Variants in CACNA2D2 observed in about 807,000 individuals in gnomAD.
CACNA2D2 encodes the protein calcium voltage-gated channel auxiliary subunit alpha2delta 2.
CACNA2D2 carries 48 observed loss-of-function variants against 166.4 expected under a neutral mutation model. The observed-to-expected ratio is 0.29, with a 90% confidence interval of 0.23 to 0.37. CACNA2D2 has a LOEUF of 0.37. Ranked by LOEUF, CACNA2D2 falls within the 10% of genes least tolerant of loss-of-function variation. The pLI, the probability that CACNA2D2 is intolerant of heterozygous loss-of-function variation, is 1.00. For missense variants in CACNA2D2, 1,122 were observed against 1,433.0 expected (o/e 0.78, Z 3.50); for synonymous variants, 561 against 573.7 (o/e 0.98, Z 0.32).
intron 1 of CACNA2D2, among the ~76,000 whole-genome samples, chr3:50,493,709 G>A (rs1168384839): frequency 6.6e-6 from 1 of 152,216 alleles, no homozygotes; most frequent in African/African-American, 2.4e-5. Context: ...ATCTTGAGGG[G>A]GTCGCAGTCA....
chr3:50,477,369 T>C (rs1252388438), intron 1 of CACNA2D2, among the ~76,000 whole-genome samples: 1 of 152,196 alleles, frequency 6.6e-6, no homozygotes, highest in African/African-American at 2.4e-5. Context: ...GGGATCTTTG[T>C]GAGTGGACAG....
At position 50,407,385 on chromosome 3, in the gene CACNA2D2, G is replaced by A. The variant is rs147507102; in HGVS notation, c.406-13217C>T. The stretch of plus-strand genomic sequence containing the variant: ...ATTAGACTTCCTAGGCCTGCCACTC[G>A]TGGGCTCTGACCCCTGCTCTGACCC... On this transcript the variant is annotated intron_variant, in intron 3 of 37. Transcript: ENST00000424201. Among the ~76,000 whole-genome samples, 918 of 151,802 alleles carry A rather than the reference G, an allele frequency of 6.0e-3. 101 individuals are homozygous for A. In the East Asian group the frequency reaches 0.17, roughly 28 times the overall value.
chr3:50,458,646 A>G (rs1373852633), intron 2 of CACNA2D2, among the ~76,000 whole-genome samples: 1 of 152,200 alleles, frequency 6.6e-6, no homozygotes, highest in African/African-American at 2.4e-5. Flanking sequence ...TCTTTCCCCA[A>G]ACTCCCTGGC....
chr3:50,479,615 A>G (rs1697956698), intron 1 of CACNA2D2, among the ~76,000 whole-genome samples: 1 of 152,206 alleles, frequency 6.6e-6, no homozygotes, highest in East Asian at 1.9e-4. Flanking sequence ...TGCCTTGTGG[A>G]CGAGAAGCCA....
chr3:50,376,850 G>A lies in CACNA2D2; in HGVS notation c.1626+617C>T, dbSNP rs778997661. Among the ~76,000 whole-genome samples, 1 of 152,288 alleles carries A rather than the reference G, an allele frequency of 6.6e-6. No homozygotes were observed. Among genetic ancestry groups the A allele is most frequent in the Admixed American group, 6.5e-5 (1 of 15,306 alleles). ...AGATGCAGACTCCCTGACCGCAGGC[G>A]CTGGGCCAGCCACAATGCCATCTTG... On this transcript the variant is annotated intron_variant, in intron 17 of 37. Transcript: ENST00000424201. The surrounding 1 kb of genome is among the most constrained non-coding windows in gnomAD (Gnocchi z 4.3).
chr3:50,437,458 C>A (rs1708402695), intron 2 of CACNA2D2, among the ~76,000 whole-genome samples: 1 of 152,180 alleles, frequency 6.6e-6, no homozygotes, highest in South Asian at 2.1e-4. Flanking sequence ...TGCTGCCAGC[C>A]AAGCCTGCTC....
At chr3:50,424,785 G>A (rs1209456906) in intron 3 of CACNA2D2, among the ~76,000 whole-genome samples, 4 of 152,188 alleles carry the variant, frequency 2.6e-5, no homozygotes, top group African/African-American at 9.7e-5. Flanking sequence ...CAGGGTCAAG[G>A]TGGAGTCTCT....
At chr3:50,432,053 G>T (rs1173119526) in intron 3 of CACNA2D2, among the ~76,000 whole-genome samples, 1 of 151,974 alleles carries the variant, frequency 6.6e-6, no homozygotes, top group Non-Finnish European at 1.5e-5. Flanking sequence ...CCCAGGCCAT[G>T]GCTGGGCTGC....
intron 3 of CACNA2D2, among the ~76,000 whole-genome samples, chr3:50,401,443 G>A (rs1050137093): frequency 2.6e-5 from 4 of 152,126 alleles, no homozygotes; most frequent in Admixed American, 6.5e-5. Context: ...GGAAGGGGCA[G>A]GCTGTGCTTC....
intron 2 of CACNA2D2, among the ~76,000 whole-genome samples, chr3:50,470,160 T>G (rs374852742): frequency 4.6e-5 from 7 of 152,304 alleles, no homozygotes; most frequent in Non-Finnish European, 7.4e-5. Context: ...CAGGGGCCCA[T>G]GTGCAGCCAG....
At chr3:50,393,322 G>A (rs1288490299) in intron 4 of CACNA2D2, among the ~76,000 whole-genome samples, 3 of 152,326 alleles carry the variant, frequency 2.0e-5, no homozygotes, top group East Asian at 1.9e-4. Flanking sequence ...AGCAGCTGTG[G>A]AGGACACAGG....
chr3:50,468,442 G>GTGTGTGT (rs1553751798), intron 2 of CACNA2D2, among the ~76,000 whole-genome samples: 12 of 52,586 alleles, frequency 2.3e-4, no homozygotes, highest in African/African-American at 2.2e-4. Flanking sequence ...TGTGTGTGTG[G>GTGTGTGT]CTTTAGGAAA....
At chr3:50,377,948 G>A (rs1705075432) in intron 15 of CACNA2D2, 60 bp downstream of exon 15, 6 of 1,565,310 alleles carry the variant, frequency 3.8e-6, no homozygotes, top group South Asian at 1.1e-5. Flanking sequence ...TCTTGACCCT[G>A]TGGGCACATC....
chr3:50,394,041 C>A, intron 4 of CACNA2D2, 68 bp downstream of exon 4: 1 of 1,436,262 alleles, frequency 7.0e-7, no homozygotes. Context: ...AGCTCCCACC[C>A]CCCAGCATTC....
chr3:50,449,727 T>C (rs1460895714), intron 2 of CACNA2D2, among the ~76,000 whole-genome samples: 1 of 152,166 alleles, frequency 6.6e-6, no homozygotes, highest in South Asian at 2.1e-4. Context: ...ACACTCAGAA[T>C]GACCTTGAGG....
At chr3:50,378,787 T>C (rs1457702696) in intron 13 of CACNA2D2, 128 bp downstream of exon 13, 2 of 1,084,868 alleles carry the variant, frequency 1.8e-6, no homozygotes, top group Non-Finnish European at 2.7e-6. Flanking sequence ...GCCTCGTGGA[T>C]GGGAGGAGGC....
At chr3:50,463,443 T>C (rs1431839141) in intron 2 of CACNA2D2, among the ~76,000 whole-genome samples, 1 of 152,064 alleles carries the variant, frequency 6.6e-6, no homozygotes, top group Admixed American at 6.5e-5. Context: ...GGACCACAGG[T>C]GCACGCCACC....
intron 6 of CACNA2D2, 122 bp from the exon 7 acceptor site, chr3:50,381,248 GCCCT>G: frequency 1.7e-6 from 2 of 1,183,994 alleles, no homozygotes; most frequent in Non-Finnish European, 2.4e-6. Flanking sequence ...GCCTATCCAG[GCCCT>G]CCCTATTTCC....
intron 1 of CACNA2D2, among the ~76,000 whole-genome samples, chr3:50,489,662 T>C (rs1232582711): frequency 1.3e-5 from 2 of 149,798 alleles, no homozygotes; most frequent in African/African-American, 5.0e-5. Context: ...GCTGGATCTA[T>C]ATGCAAGGCA....
Sources: allele counts gnomAD v4.1 joint callset (sites outside exome capture counted in the v4.1 genomes callset), GRCh38; gene constraint gnomAD v4.1.1; non-coding constraint Gnocchi (gnomAD v3.1); transcripts MANE v1.5; gene names NCBI Gene and HGNC (gene_info 2026-07-23, HGNC 2026-07-21).